Variants in NEDD4 observed in about 807,000 individuals in gnomAD.
NEDD4 encodes E3 ubiquitin-protein ligase NEDD4.
A neutral mutation model predicts 144.9 loss-of-function variants in NEDD4; 99 were observed. The observed-to-expected ratio is 0.68, with a 90% confidence interval of 0.58 to 0.81. The LOEUF (loss-of-function observed/expected upper bound fraction) is 0.81. Among genes scored for constraint, NEDD4 ranks in the 30% least tolerant of loss-of-function variants. The probability of loss-of-function intolerance (pLI) is 0.00; values close to 1 mark genes in which losing one functional copy is unlikely to be tolerated. For synonymous variants in NEDD4, 318 were observed against 350.6 expected (o/e 0.91, Z 1.04); for missense variants, 985 against 1,065.9 (o/e 0.92, Z 1.06).
intron 5 of NEDD4, among the ~76,000 whole-genome samples, chr15:55,890,295 A>T (rs1237450568): frequency 4.6e-5 from 7 of 152,166 alleles, no homozygotes; most frequent in African/African-American, 1.7e-4. Flanking sequence ...TTAGACAATC[A>T]ATTTTAGAAC....
intron 5 of NEDD4, among the ~76,000 whole-genome samples, chr15:55,900,119 G>C (rs1487988764): frequency 6.6e-6 from 1 of 151,680 alleles, no homozygotes; most frequent in Non-Finnish European, 1.5e-5. Flanking sequence ...AAAAGGTTGA[G>C]ATAAGCTTTT....
chr15:55,969,319 A>T (rs913983202), intron 1 of NEDD4, among the ~76,000 whole-genome samples: 1 of 152,186 alleles, frequency 6.6e-6, no homozygotes. Flanking sequence ...TGTAGGCTAA[A>T]GCACTCCAAG....
At chr15:55,983,301 C>T (rs1027318563) in intron 1 of NEDD4, among the ~76,000 whole-genome samples, 2 of 143,838 alleles carry the variant, frequency 1.4e-5, no homozygotes, top group Non-Finnish European at 3.1e-5. Context: ...TGTGTGTGTG[C>T]GTGCGCGCGC....
intron 11 of NEDD4, among the ~76,000 whole-genome samples, chr15:55,857,820 G>T (rs1383270820): frequency 6.6e-6 from 1 of 152,086 alleles, no homozygotes; most frequent in East Asian, 1.9e-4. Flanking sequence ...TGTGCCTGTA[G>T]TACCAGCTAC....
chr15:55,937,787 T>C (rs2036921359), intron 4 of NEDD4, among the ~76,000 whole-genome samples: 1 of 152,162 alleles, frequency 6.6e-6, no homozygotes, highest in Non-Finnish European at 1.5e-5. Context: ...CTCACCAAAA[T>C]TCCAATGGTA....
At chr15:55,929,496 C>T (rs2036739270) in intron 4 of NEDD4, among the ~76,000 whole-genome samples, 1 of 152,074 alleles carries the variant, frequency 6.6e-6, no homozygotes, top group African/African-American at 2.4e-5. Flanking sequence ...TCTCCTCTAC[C>T]CTCAAGCAGG....
intron 2 of NEDD4, among the ~76,000 whole-genome samples, chr15:55,962,940 C>T (rs1186848385): frequency 5.3e-5 from 8 of 151,494 alleles, no homozygotes; most frequent in Admixed American, 2.6e-4. Context: ...ACACGCGCCA[C>T]CATACCCAGC....
chr15:55,881,611 A>T (rs1223031483), intron 5 of NEDD4, among the ~76,000 whole-genome samples: 1 of 152,200 alleles, frequency 6.6e-6, no homozygotes, highest in Non-Finnish European at 1.5e-5. Context: ...TAGTTAACTT[A>T]GGTTTAGGCT....
intron 2 of NEDD4, among the ~76,000 whole-genome samples, chr15:55,965,915 T>G (rs72734353): frequency 0.13 from 20,412 of 152,076 alleles, 1,487 homozygotes; most frequent in East Asian, 0.32. Flanking sequence ...GCCTCCCAAA[T>G]TACTAAGATT....
intron 1 of NEDD4, among the ~76,000 whole-genome samples, chr15:55,986,355 G>C (rs2037890605): frequency 1.3e-5 from 2 of 152,148 alleles, no homozygotes; most frequent in South Asian, 4.1e-4. Context: ...ACATTACAGA[G>C]AAGAAACCTG....
chr15:55,960,874 A>G (rs1363530671), intron 2 of NEDD4, among the ~76,000 whole-genome samples: 2 of 152,124 alleles, frequency 1.3e-5, no homozygotes, highest in Non-Finnish European at 2.9e-5. Flanking sequence ...CCCACCCACT[A>G]GTTGACTGTG....
intron 4 of NEDD4, among the ~76,000 whole-genome samples, chr15:55,941,362 A>C (rs1265560959): frequency 6.6e-6 from 1 of 152,154 alleles, no homozygotes; most frequent in Non-Finnish European, 1.5e-5. Context: ...TAAGCACTGA[A>C]ATAGCTTCAT....
chr15:55,992,713 G>A (rs2038007474), intron 1 of NEDD4, among the ~76,000 whole-genome samples: 3 of 152,156 alleles, frequency 2.0e-5, no homozygotes, highest in Admixed American at 2.0e-4. Flanking sequence ...CCAAATGGTC[G>A]TACAATATTT....
chr15:55,935,574 G>A (rs72734321), intron 4 of NEDD4, among the ~76,000 whole-genome samples: 22,905 of 151,882 alleles, frequency 0.15, 1,841 homozygotes, highest in East Asian at 0.32. Flanking sequence ...AAGGCTGGGC[G>A]TGGTGGCTCA....
At chr15:55,933,132 A>G (rs916813227) in intron 4 of NEDD4, among the ~76,000 whole-genome samples, 1 of 152,152 alleles carries the variant, frequency 6.6e-6, no homozygotes, top group East Asian at 1.9e-4. Context: ...CGATTCCTCA[A>G]GGATCTAGAA....
At chr15:55,933,929 A>C (rs1199450241) in intron 4 of NEDD4, among the ~76,000 whole-genome samples, 1 of 152,164 alleles carries the variant, frequency 6.6e-6, no homozygotes, top group Non-Finnish European at 1.5e-5. Flanking sequence ...CGAGGCAGGC[A>C]GGTCACCTGA....
At chr15:55,967,720 A>G (rs2037540013) in intron 1 of NEDD4, among the ~76,000 whole-genome samples, 1 of 152,142 alleles carries the variant, frequency 6.6e-6, no homozygotes, top group African/African-American at 2.4e-5. Context: ...AAAACTTCAT[A>G]GATAACATTA....
Position 55,852,472 on chromosome 15 carries a change from A to C in NEDD4, c.1098T>G (p.Tyr366Ter). ...EKQDERGRSYYVDHNSRTTTW... is the reference protein window; with the variant it reads ...EKQDERGRSY ...TAGTCGTTCTGGAATTGTGATCTAC[A>C]TAATATGATCTTCCTCTTTCATCTT... Residue 366 changes from tyrosine (Y) to a stop codon, truncating the protein, a stop_gained, in exon 13 of 29, where the codon TAT becomes TAG. Transcript: ENST00000435532. LOFTEE classifies it high-confidence loss of function. The C allele has an allele frequency of 1.2e-6, 2 of 1,613,172 alleles. No homozygotes were observed. Among genetic ancestry groups the C allele is most frequent in the Non-Finnish European group, 1.7e-6 (2 of 1,179,500 alleles).
intron 21 of NEDD4, among the ~76,000 whole-genome samples, chr15:55,839,999 AATAT>A (rs1176994871): frequency 0.011 from 289 of 25,908 alleles, 4 homozygotes; most frequent in Non-Finnish European, 0.014. Flanking sequence ...AAAAAAAAAA[AATAT>A]ATATATATAT....
Sources: gnomAD v4.1 joint callset for allele counts (sites outside exome capture counted in the v4.1 genomes callset) on GRCh38, gnomAD v4.1.1 for gene constraint, MANE v1.5 for transcripts, NCBI Gene and HGNC (gene_info 2026-07-23, HGNC 2026-07-21) for gene names.